R3HDML: variants seen among roughly 807,000 people sequenced by gnomAD.
The protein encoded by R3HDML is peptidase inhibitor R3HDML.
Under a neutral mutation model 24.2 loss-of-function variants are expected in R3HDML, and 21 were observed. The observed-to-expected ratio is 0.87, with a 90% confidence interval of 0.62 to 1.25. R3HDML has a LOEUF of 1.25. R3HDML is among the 50% of genes most tolerant of loss of function. The pLI is 0.00. For synonymous variants in R3HDML, 133 were observed against 131.5 expected, an observed-to-expected ratio of 1.01 and a Z score of -0.08; for missense variants, 301 against 340.3, an observed-to-expected ratio of 0.88 and a Z score of 0.91.
intron 3 of R3HDML, among the ~76,000 whole-genome samples, chr20:44,344,125 C>T (rs1370222624): frequency 1.3e-5 from 2 of 152,034 alleles, no homozygotes; most frequent in Non-Finnish European, 2.9e-5. Flanking sequence ...ACTGAAAATA[C>T]AAAAAATTAG....
chr20:44,350,331 T>C (rs2062805831), intron 4 of R3HDML, among the ~76,000 whole-genome samples: 1 of 151,044 alleles, frequency 6.6e-6, no homozygotes, highest in African/African-American at 2.5e-5. Flanking sequence ...CTGAGCAGTA[T>C]AGGGAGACCC....
rs766953546 is a variant in R3HDML at position 44,337,429 on chromosome 20, G to A, written c.261+11G>A. 2.7e-5 allele frequency: 43 copies of A among 1,605,798 alleles called. No individual in the cohort carries two copies. Among genetic ancestry groups the A allele is most frequent in the African/African-American group, 2.3e-4 (17 of 74,872 alleles). ...AACATGGAATACATGGTGAGTCCCC[G>A]TACCTGCCCCCCACCCCCCGCAGTG... On this transcript the variant is annotated intron_variant, in intron 1 of 4. Transcript: ENST00000217043. This position sits in a 1 kb window ranked among gnomAD's most constrained non-coding sequence, Gnocchi z 4.7.
intron 3 of R3HDML, chr20:44,345,009 TTGTG>T (rs1196333707): frequency 2.0e-6 from 1 of 491,984 alleles, no homozygotes; most frequent in Non-Finnish European, 3.6e-6. Context: ...CTTGTTCAAA[TTGTG>T]TGTATGTGTG....
In R3HDML at chr20:44,337,290, A is replaced by G; in HGVS notation, c.133A>G (p.Ser45Gly). ...CGAGAGCACGGCTATGCGGCTCCTG[A>G]GTGGCCTGGAGGTGCCCAGGTACCG... is the stretch of plus-strand genomic sequence containing the variant. ...QPESTAMRLL[S>G]GLEVPRYRRK... Residue 45 changes from serine to glycine, a missense_variant, in exon 1 of 5, where the codon AGT (serine) becomes GGT (glycine). Coordinates refer to ENST00000217043, the MANE Select transcript of R3HDML (RefSeq NM_178491.4). This position sits in a 1 kb window ranked among gnomAD's most constrained non-coding sequence, Gnocchi z 4.7. The G allele has an allele frequency of 1.9e-6, 3 of 1,614,144 alleles. No homozygotes were observed. Among genetic ancestry groups the G allele is most frequent in the Non-Finnish European group, 2.5e-6 (3 of 1,180,032 alleles).
chr20:44,347,459 A>G (rs1230373556), intron 4 of R3HDML: 4 of 152,070 alleles, frequency 2.6e-5, no homozygotes, highest in East Asian at 1.9e-4. Flanking sequence ...GCCTCAAGCA[A>G]TCTCCCTACT....
rs570678568 is a variant in R3HDML at position 44,342,545 on chromosome 20, C to T, written c.381-832C>T. Among the ~76,000 whole-genome samples the T allele has an allele frequency of 3.6e-4, 55 of 152,320 alleles. 1 individual carries two copies. The highest frequency in any genetic ancestry group is 2.1e-4 in the South Asian group (1 of 4,820). On this transcript the variant is annotated intron_variant, in intron 2 of 4. Coordinates refer to ENST00000217043, the MANE Select transcript of R3HDML (RefSeq NM_178491.4). ...GAGAGAAAGAAAGCAGTGTTAGACA[C>T]GAAGCTGTGCTGTCGTAAATTATGA...
intron 4 of R3HDML, among the ~76,000 whole-genome samples, chr20:44,346,283 C>T (rs1023957490): frequency 6.6e-6 from 1 of 151,966 alleles, no homozygotes; most frequent in Non-Finnish European, 1.5e-5. Context: ...CACCATGCCT[C>T]GCTAATTTTT....
chr20:44,349,368 A>G (rs2062801853), intron 4 of R3HDML, among the ~76,000 whole-genome samples: 1 of 151,570 alleles, frequency 6.6e-6, no homozygotes, highest in Non-Finnish European at 1.5e-5. Context: ...GGTTAAATTA[A>G]ACAAAAAAAG....
intron 1 of R3HDML, among the ~76,000 whole-genome samples, chr20:44,339,340 T>C (rs1344053317): frequency 6.6e-6 from 1 of 152,180 alleles, no homozygotes; most frequent in Non-Finnish European, 1.5e-5. Context: ...GAGATGTTGT[T>C]TGATATTTGA....
intron 4 of R3HDML, among the ~76,000 whole-genome samples, chr20:44,347,331 G>T (rs751760691): frequency 1.5e-4 from 23 of 151,344 alleles, no homozygotes; most frequent in African/African-American, 5.6e-4. Flanking sequence ...CAATCCTCCC[G>T]CCTCACCCTC....
intron 4 of R3HDML, among the ~76,000 whole-genome samples, chr20:44,346,617 C>G (rs1443412654): frequency 6.6e-6 from 1 of 152,200 alleles, no homozygotes; most frequent in East Asian, 1.9e-4. Flanking sequence ...TAGCCAAAGG[C>G]CCCTTCTTAG....
Position 44,343,418 on chromosome 20 carries a change from A to G in R3HDML, c.422A>G (p.Glu141Gly). 6.2e-7 allele frequency: 1 copy of G among 1,613,194 alleles called. No individual in the cohort carries two copies. The highest frequency in any genetic ancestry group is 8.5e-7 in the Non-Finnish European group (1 of 1,179,580). ...GATCTCATGAAGTCCTGGTCTGAGG[A>G]GAAGTGGCATTACTTGTTTCCGGCC... The part of the protein sequence containing the change: ...VVDLMKSWSE[E>G]KWHYLFPAPR... Residue 141 changes from glutamate (E) to glycine (G), a missense_variant, in exon 3 of 5, where the codon GAG (glutamate) becomes GGG (glycine). Physicochemically the swap from Glu to Gly is moderately conservative, Grantham distance 98 (BLOSUM62 -2). Coordinates refer to ENST00000217043, the MANE Select transcript of R3HDML (RefSeq NM_178491.4).
chr20:44,346,012 G>T (rs1404664903), intron 4 of R3HDML, among the ~76,000 whole-genome samples: 2 of 152,104 alleles, frequency 1.3e-5, no homozygotes, highest in Non-Finnish European at 1.5e-5. Flanking sequence ...TAGAGACAAG[G>T]TTTCGCCATG....
chr20:44,339,221 C>T (rs1478472763), intron 1 of R3HDML, among the ~76,000 whole-genome samples: 1 of 152,076 alleles, frequency 6.6e-6, no homozygotes. Context: ...CTCTCACTGC[C>T]GCAAGAAAGT....
chr20:44,350,025 G>A (rs764135322), intron 4 of R3HDML, among the ~76,000 whole-genome samples: 2 of 152,064 alleles, frequency 1.3e-5, no homozygotes, highest in Admixed American at 6.6e-5. Flanking sequence ...AGCCAAGATC[G>A]CACCATTGCA....
intron 4 of R3HDML, among the ~76,000 whole-genome samples, chr20:44,349,082 ATGCCAC>A (rs915420406): frequency 6.6e-6 from 1 of 151,912 alleles, no homozygotes; most frequent in Non-Finnish European, 1.5e-5. Context: ...ACCTGAGATC[ATGCCAC>A]TGCACTCTAG....
intron 2 of R3HDML, among the ~76,000 whole-genome samples, chr20:44,341,613 G>C (rs532388224): frequency 6.6e-6 from 1 of 152,216 alleles, no homozygotes; most frequent in African/African-American, 2.4e-5. Flanking sequence ...GGCCGGGCAC[G>C]GTGGCTTACA....
intron 4 of R3HDML, among the ~76,000 whole-genome samples, chr20:44,348,476 CCCTTTCT>C (rs2062796228): frequency 1.3e-5 from 1 of 75,990 alleles, no homozygotes; most frequent in Admixed American, 1.2e-4. Context: ...TTCTCCTTTT[CCCTTTCT>C]CCTTTCCTTT....
At chr20:44,347,168 C>T (rs2062789568) in intron 4 of R3HDML, among the ~76,000 whole-genome samples, 1 of 151,962 alleles carries the variant, frequency 6.6e-6, no homozygotes, top group Admixed American at 6.6e-5. Flanking sequence ...AAAAACAAAA[C>T]AAGAACAAAT....
Sources: gnomAD v4.1 joint callset for allele counts (sites outside exome capture counted in the v4.1 genomes callset) on GRCh38, gnomAD v4.1.1 for gene constraint, Gnocchi (gnomAD v3.1) non-coding constraint, MANE v1.5 for transcripts, NCBI Gene and HGNC (gene_info 2026-07-23, HGNC 2026-07-21) for gene names.